ZNF385D: variants seen among roughly 807,000 people sequenced by gnomAD.
ZNF385D encodes zinc finger protein 385D.
Under a neutral mutation model 35.8 loss-of-function variants are expected in ZNF385D, and 15 were observed. The ratio of observed to expected loss-of-function variants is 0.42; its 90% confidence interval spans 0.28 to 0.64. The LOEUF is 0.64. Ranked by LOEUF, ZNF385D falls within the 30% of genes least tolerant of loss-of-function variation. ZNF385D has a pLI of 0.23. For missense variants in ZNF385D, 474 were observed against 494.6 expected (o/e 0.96, Z 0.39); for synonymous variants, 212 against 186.8 (o/e 1.13, Z -1.10).
At chr3:21,726,944 G>A (rs144567446) in intron 1 of ZNF385D, among the ~76,000 whole-genome samples, 182 of 152,098 alleles carry the variant, frequency 1.2e-3, no homozygotes, top group Middle Eastern at 3.4e-3. Flanking sequence ...GTAGTAACCA[G>A]AACAGCATAG....
intron 2 of ZNF385D, among the ~76,000 whole-genome samples, chr3:22,295,216 T>C (rs1452547356): frequency 6.6e-6 from 1 of 152,182 alleles, no homozygotes; most frequent in African/African-American, 2.4e-5. Context: ...TTTCAGAGGC[T>C]GTGAAAATTA....
At chr3:22,107,858 C>A (rs184358893) in intron 3 of ZNF385D, among the ~76,000 whole-genome samples, 5 of 151,906 alleles carry the variant, frequency 3.3e-5, no homozygotes, top group Admixed American at 2.6e-4. Flanking sequence ...GTGTCTGCTT[C>A]AAAATTCAGG....
intron 4 of ZNF385D, among the ~76,000 whole-genome samples, chr3:21,460,150 T>C (rs989520155): frequency 2.0e-5 from 3 of 152,124 alleles, no homozygotes; most frequent in African/African-American, 7.2e-5. Context: ...CTCAGTTTCA[T>C]GCTTAGATGC....
intron 2 of ZNF385D, among the ~76,000 whole-genome samples, chr3:22,249,819 A>G (rs1699976155): frequency 6.6e-6 from 1 of 152,166 alleles, no homozygotes; most frequent in Non-Finnish European, 1.5e-5. Flanking sequence ...ATTTAGGACC[A>G]CTAGAGTCCA....
chr3:22,106,269 C>G (rs1702208250), intron 3 of ZNF385D, among the ~76,000 whole-genome samples: 2 of 152,100 alleles, frequency 1.3e-5, no homozygotes, highest in Non-Finnish European at 2.9e-5. Flanking sequence ...AACCTATGCC[C>G]TTAACACATA....
intron 4 of ZNF385D, among the ~76,000 whole-genome samples, chr3:21,491,635 T>C (rs1369510118): frequency 6.6e-6 from 1 of 152,158 alleles, no homozygotes; most frequent in East Asian, 1.9e-4. Context: ...CAAAGTAGGC[T>C]TGCTGCCTGT....
intron 1 of ZNF385D, among the ~76,000 whole-genome samples, chr3:21,703,083 T>C (rs2067753130): frequency 6.6e-6 from 1 of 152,174 alleles, no homozygotes; most frequent in Non-Finnish European, 1.5e-5. Context: ...ACCAATTTAC[T>C]GTATTAGCCA....
intron 3 of ZNF385D, among the ~76,000 whole-genome samples, chr3:21,863,775 A>G (rs989499860): frequency 3.9e-5 from 6 of 152,164 alleles, no homozygotes; most frequent in African/African-American, 1.4e-4. Context: ...GGCAGGACTC[A>G]TGTTGCCAGT....
At chr3:22,182,983 G>A (rs1025812804) in intron 2 of ZNF385D, among the ~76,000 whole-genome samples, 1 of 152,020 alleles carries the variant, frequency 6.6e-6, no homozygotes, top group Non-Finnish European at 1.5e-5. Flanking sequence ...GAAAAAATGT[G>A]AAAGATTAAG....
chr3:22,280,166 G>A (rs894264936), intron 2 of ZNF385D, among the ~76,000 whole-genome samples: 9 of 151,976 alleles, frequency 5.9e-5, no homozygotes, highest in Non-Finnish European at 1.2e-4. Context: ...TGTAGATTCT[G>A]GATATTAGTC....
chr3:22,069,856 G>T (rs781234346), intron 3 of ZNF385D, among the ~76,000 whole-genome samples: 3 of 152,150 alleles, frequency 2.0e-5, no homozygotes, highest in Non-Finnish European at 4.4e-5. Flanking sequence ...CTGTAGGCAG[G>T]TACCTTCCTT....
intron 3 of ZNF385D, among the ~76,000 whole-genome samples, chr3:21,965,844 G>T (rs372492248): frequency 6.6e-6 from 1 of 152,166 alleles, no homozygotes; most frequent in South Asian, 2.1e-4. Flanking sequence ...AAATATGGAA[G>T]AAAGAAGGGA....
At chr3:22,249,793 G>GT (rs972646466) in intron 2 of ZNF385D, among the ~76,000 whole-genome samples, 25 of 152,200 alleles carry the variant, frequency 1.6e-4, no homozygotes, top group Admixed American at 7.9e-4. Flanking sequence ...AAATTGTGGG[G>GT]TTTTTTTCTG....
chr3:22,132,298 T>A (rs1297382823), intron 3 of ZNF385D, among the ~76,000 whole-genome samples: 1 of 152,170 alleles, frequency 6.6e-6, no homozygotes, highest in Non-Finnish European at 1.5e-5. Context: ...CAGTGCCATC[T>A]ATGAACTAAG....
Position 21,437,701 on chromosome 3 carries a change from C to CAAAAAAAAAAAAAAAAAAA in ZNF385D, c.440-499_440-498insTTTTTTTTTTTTTTTTTTT, listed in dbSNP as rs751739275. 1.4e-4 allele frequency among the ~76,000 whole-genome samples: 11 copies of CAAAAAAAAAAAAAAAAAAA among 77,204 alleles called. 1 individual carries two copies. The highest frequency in any genetic ancestry group is 3.1e-4 in the African/African-American group (6 of 19,092). The allele number at this position is 77,204 out of a possible 152,430, so 50.6% of individuals were successfully genotyped here. A position where few individuals can be genotyped will look rare whatever the true frequency, so the allele number is the denominator to read the frequency against. On this transcript the variant is annotated intron_variant, in intron 4 of 7. Coordinates refer to ENST00000281523, the MANE Select transcript of ZNF385D (RefSeq NM_024697.3). ...ACAGATCCTTTTGCAAATGCTTATA[C>CAAAAAAAAAAAAAAAAAAA]AAAAAAAAAAAAAAAAAACCGGAAC...
chr3:21,789,245 G>T (rs2071822360), intron 3 of ZNF385D, among the ~76,000 whole-genome samples: 1 of 152,106 alleles, frequency 6.6e-6, no homozygotes, highest in Non-Finnish European at 1.5e-5. Context: ...GGTATGTGTG[G>T]CATTCTAATT....
chr3:21,688,626 G>C (rs1308542303), intron 1 of ZNF385D, among the ~76,000 whole-genome samples: 1 of 152,058 alleles, frequency 6.6e-6, no homozygotes, highest in Non-Finnish European at 1.5e-5. Context: ...ATAGTGCATG[G>C]ATATCCAATA....
chr3:22,248,649 T>C (rs1009230443), intron 2 of ZNF385D, among the ~76,000 whole-genome samples: 4 of 152,284 alleles, frequency 2.6e-5, no homozygotes, highest in African/African-American at 7.2e-5. Context: ...CCTCTCTTAA[T>C]CTCTTCTTCC....
chr3:21,911,997 G>A (rs1431005237), intron 3 of ZNF385D, among the ~76,000 whole-genome samples: 1 of 151,692 alleles, frequency 6.6e-6, no homozygotes, highest in Admixed American at 6.6e-5. Flanking sequence ...TGAAAGTAAG[G>A]CCCTAAATCT....
Sources: allele counts gnomAD v4.1 joint callset (sites outside exome capture counted in the v4.1 genomes callset), GRCh38; gene constraint gnomAD v4.1.1; transcripts MANE v1.5; gene names NCBI Gene and HGNC (gene_info 2026-07-23, HGNC 2026-07-21).